Variants in ZSCAN31 observed in about 807,000 individuals in gnomAD.
The protein encoded by ZSCAN31 is zinc finger and SCAN domain containing 31.
ZSCAN31 carries 14 observed loss-of-function variants against 22.5 expected under a neutral mutation model. The ratio of observed to expected loss-of-function variants is 0.62; its 90% CI spans 0.41 to 0.97. ZSCAN31 has a LOEUF of 0.97. Among genes scored for constraint, ZSCAN31 ranks in the 50% least tolerant of loss-of-function variants. The pLI is 0.00. For missense variants in ZSCAN31, 424 were observed against 483.4 expected, an observed-to-expected ratio of 0.88 and a Z score of 1.15; for synonymous variants, 168 against 169.8, an observed-to-expected ratio of 0.99 and a Z score of 0.08.
rs143243982 is a variant in ZSCAN31, at chr6:28,341,443, C to A, written c.-324+303G>T. Among the ~76,000 whole-genome samples, 1,420 of 152,250 alleles carry A rather than the reference C, an allele frequency of 9.3e-3. 9 individuals are homozygous for A. Among genetic ancestry groups the A allele is most frequent in the Admixed American group, 0.019 (286 of 15,292 alleles). ...GATGGGGCAAACAGGCTCCCTCTAG[C>A]CTTTTCTTATAGGGCGCTAACCCCA... On this transcript the variant is annotated intron_variant, in intron 3 of 7. Transcript: ENST00000396838.
intron 2 of ZSCAN31, among the ~76,000 whole-genome samples, chr6:28,348,604 A>G (rs1396613793): frequency 6.6e-6 from 1 of 152,136 alleles, no homozygotes; most frequent in East Asian, 1.9e-4. Flanking sequence ...ATTTGTCTGT[A>G]GTTGTGCCAA....
chr6:28,345,530 GAT>G (rs1764609326), intron 2 of ZSCAN31, among the ~76,000 whole-genome samples: 1 of 152,156 alleles, frequency 6.6e-6, no homozygotes, highest in South Asian at 2.1e-4. Context: ...ATTGAGTATT[GAT>G]ATGATACAAC....
chr6:28,329,670 T>G lies in ZSCAN31; in HGVS notation c.14A>C (p.Glu5Ala). 1 of 1,612,206 alleles carries G rather than the reference T, an allele frequency of 6.2e-7. No individual in the cohort carries two copies. The highest frequency in any genetic ancestry group is 1.1e-5 in the South Asian group (1 of 91,030). Residue 5 changes from glutamate to alanine, a missense_variant, in exon 2 of 4, where the codon GAG (glutamate) becomes GCG (alanine). Transcript: ENST00000344279. MAST[E>A]EQYDLKIVKV... Reference sequence around the variant, plus strand: ...CACAATCTTAAGATCGTACTGTTCCTCTGTTGAAGCCATTCCTGGGGTTAA... The same window carrying G: ...CACAATCTTAAGATCGTACTGTTCCGCTGTTGAAGCCATTCCTGGGGTTAA...
At chr6:28,327,652 A>G in intron 2 of ZSCAN31, 119 bp from the exon 3 acceptor site, 6 of 1,180,744 alleles carry the variant, frequency 5.1e-6, no homozygotes, top group South Asian at 1.5e-5. Flanking sequence ...GTCACAGTGG[A>G]AGGACCAGAG....
At chr6:28,341,689 T>A (rs971299510) in intron 3 of ZSCAN31, 5 of 152,316 alleles carry the variant, frequency 3.3e-5, no homozygotes, top group African/African-American at 1.2e-4. Flanking sequence ...AATTGGAGCA[T>A]GCATCCTCTG....
Position 28,331,273 on chromosome 6 carries a change from C to G in ZSCAN31, c.-95-1495G>C, listed in dbSNP as rs1763718360. The stretch of plus-strand genomic sequence containing the variant: ...GTTGGGAAGTTTAATGGTAGTTAAA[C>G]TGATACAATGTTGACTTTAGTGGTG... On this transcript the variant is annotated intron_variant, in intron 1 of 3. Transcript: ENST00000344279. This position sits in a 1 kb window ranked among gnomAD's most constrained non-coding sequence, Gnocchi z 4.8. Among the ~76,000 whole-genome samples, 1 of 152,146 alleles carries G rather than the reference C, an allele frequency of 6.6e-6. No individual in the cohort carries two copies. The highest frequency in any genetic ancestry group is 2.1e-4 in the South Asian group (1 of 4,816).
rs150301256 is a variant in ZSCAN31 at position 28,327,577 on chromosome 6, G to A, written c.382-44C>T. On this transcript the variant is annotated intron_variant, in intron 2 of 3. Transcript: ENST00000344279. ...ATTTGGTTAAAGAGGGGGATTATAG[G>A]AGTACAAGCTAATACTAAATGAAAG... The A allele has an allele frequency of 4.7e-4, 740 of 1,590,304 alleles. 8 individuals are homozygous for A. In the East Asian group the frequency reaches 0.016, roughly 34 times the overall value.
intron 2 of ZSCAN31, among the ~76,000 whole-genome samples, chr6:28,346,705 T>C (rs1764661764): frequency 6.6e-6 from 1 of 152,082 alleles, no homozygotes; most frequent in Non-Finnish European, 1.5e-5. Flanking sequence ...GCAGCCACAA[T>C]TGAGAGGAAC....
intron 2 of ZSCAN31, among the ~76,000 whole-genome samples, chr6:28,352,993 T>C (rs1432148533): frequency 2.0e-5 from 3 of 150,364 alleles, no homozygotes; most frequent in Non-Finnish European, 4.4e-5. Context: ...AGGCAGAGTC[T>C]TGCTCTGTTG....
rs1765021655 is a variant in ZSCAN31 at position 28,351,620 on chromosome 6, T to A, written c.-371+2242A>T. 6.6e-6 allele frequency among the ~76,000 whole-genome samples: 1 copy of A among 152,020 alleles called. No individual in the cohort carries two copies. The highest frequency in any genetic ancestry group is 2.1e-4 in the South Asian group (1 of 4,822). The stretch of plus-strand genomic sequence containing the variant: ...TTTCCCTCCTTTCCACTCTCTTTCC[T>A]TCCCTTCTCCTCCTCCTTCCCTTTT... On this transcript the variant is annotated intron_variant, in intron 2 of 7. Coordinates refer to the ZSCAN31 transcript ENST00000396838. This position sits in a 1 kb window ranked among gnomAD's most constrained non-coding sequence, Gnocchi z 4.6.
rs1462887461 is a variant in ZSCAN31, at chr6:28,327,539, G to C, written c.382-6C>G. ...CCATGTTCATGGTCTGGAGCCTGAA[G>C]GCAGGTAGGCATATTTGGTTAAAGA... On this transcript the variant is annotated splice_polypyrimidine_tract_variant and splice_region_variant and intron_variant, in intron 2 of 3. Transcript: ENST00000344279. The C allele has an allele frequency of 8.1e-6, 13 of 1,611,396 alleles. No individual in the cohort carries two copies. Among genetic ancestry groups the C allele is most frequent in the Non-Finnish European group, 1.1e-5 (13 of 1,179,956 alleles).
chr6:28,355,546 T>G (rs1488123294), upstream of ZSCAN31: 1 of 152,186 alleles, frequency 6.6e-6, no homozygotes, highest in Non-Finnish European at 1.5e-5. Flanking sequence ...CACATCAAGT[T>G]TAAATGGGTG....
chr6:28,328,596 AT>A (rs1763493064), intron 2 of ZSCAN31, among the ~76,000 whole-genome samples: 1 of 152,162 alleles, frequency 6.6e-6, no homozygotes, highest in Non-Finnish European at 1.5e-5. Flanking sequence ...CACATTTCAT[AT>A]TGCTCAAACA....
chr6:28,342,364 C>A (rs772952188), intron 2 of ZSCAN31, among the ~76,000 whole-genome samples: 1 of 152,220 alleles, frequency 6.6e-6, no homozygotes, highest in Non-Finnish European at 1.5e-5. Context: ...CCCTAGTGTT[C>A]TCTACTTGCT....
chr6:28,327,291 C>G (rs1763361984), intron 3 of ZSCAN31, 92 bp downstream of exon 3: 1 of 1,450,262 alleles, frequency 6.9e-7, no homozygotes, highest in Non-Finnish European at 9.4e-7. Context: ...AAATTCCAAC[C>G]CAGGCAATTT....
chr6:28,342,847 G>T (rs1263228084), intron 2 of ZSCAN31, among the ~76,000 whole-genome samples: 1 of 152,230 alleles, frequency 6.6e-6, no homozygotes, highest in Non-Finnish European at 1.5e-5. Context: ...GTCCCGAAGA[G>T]GAAAGACCAT....
intron 1 of ZSCAN31, among the ~76,000 whole-genome samples, chr6:28,330,051 G>A (rs1237674487): frequency 1.3e-5 from 2 of 152,156 alleles, no homozygotes; most frequent in East Asian, 3.9e-4. Context: ...TTTTGCCAAT[G>A]ATATTAGCAA....
chr6:28,345,064 G>C (rs1309076556), intron 2 of ZSCAN31, among the ~76,000 whole-genome samples: 1 of 148,734 alleles, frequency 6.7e-6, no homozygotes, highest in African/African-American at 2.5e-5. Flanking sequence ...AGAATTGCTT[G>C]AACCTAGGAG....
intron 3 of ZSCAN31, 111 bp downstream of exon 3, chr6:28,327,272 G>T: frequency 1.6e-6 from 2 of 1,258,740 alleles, no homozygotes; most frequent in East Asian, 2.3e-5. Context: ...ACTATTAAAT[G>T]CAGCGTTTAA....
Sources: allele counts gnomAD v4.1 joint callset (sites outside exome capture counted in the v4.1 genomes callset), GRCh38; gene constraint gnomAD v4.1.1; non-coding constraint Gnocchi (gnomAD v3.1); transcripts MANE v1.5; gene names NCBI Gene and HGNC (gene_info 2026-07-23, HGNC 2026-07-21).